Variants in LEKR1 observed in about 807,000 individuals in gnomAD.
LEKR1 encodes the protein protein LEKR1.
LEKR1 carries 59 observed loss-of-function variants against 72.4 expected under a neutral mutation model. The observed-to-expected ratio is 0.82, with a 90% CI of 0.66 to 1.01. The LOEUF is 1.01. LEKR1 is among the 50% of genes least tolerant of loss of function. The pLI is 0.00. For missense variants in LEKR1, 728 were observed against 759.2 expected (o/e 0.96, Z 0.48); for synonymous variants, 257 against 263.2 (o/e 0.98, Z 0.23).
At chr3:156,893,056 C>T (rs901927543) in intron 3 of LEKR1, among the ~76,000 whole-genome samples, 1 of 152,172 alleles carries the variant, frequency 6.6e-6, no homozygotes, top group African/African-American at 2.4e-5. Flanking sequence ...TCTTGAGGGG[C>T]TCTGGAATTC....
chr3:157,027,262 T>C (rs1195599127), intron 11 of LEKR1, among the ~76,000 whole-genome samples: 1 of 152,004 alleles, frequency 6.6e-6, no homozygotes. Flanking sequence ...GTGACTACCA[T>C]ATTGGATAGC....
chr3:156,956,402 C>T (rs1727636608), intron 6 of LEKR1, among the ~76,000 whole-genome samples: 1 of 151,982 alleles, frequency 6.6e-6, no homozygotes, highest in Admixed American at 6.6e-5. Context: ...CATATTTAAA[C>T]TATGTTTTTA....
intron 5 of LEKR1, among the ~76,000 whole-genome samples, chr3:156,937,721 G>T (rs1465804223): frequency 6.6e-6 from 1 of 152,160 alleles, no homozygotes; most frequent in African/African-American, 2.4e-5. Flanking sequence ...GTATGTAAGT[G>T]TTCATAGCGG....
At chr3:156,962,387 C>T (rs1232538457) in intron 6 of LEKR1, among the ~76,000 whole-genome samples, 1 of 152,170 alleles carries the variant, frequency 6.6e-6, no homozygotes, top group Non-Finnish European at 1.5e-5. Flanking sequence ...TAAAAGAGAC[C>T]AGCTTGATAA....
intron 6 of LEKR1, among the ~76,000 whole-genome samples, chr3:156,974,735 AT>A (rs1227405125): frequency 6.6e-6 from 1 of 152,118 alleles, no homozygotes; most frequent in Non-Finnish European, 1.5e-5. Flanking sequence ...ATACCTATAA[AT>A]TTTTCTAACA....
intron 3 of LEKR1, among the ~76,000 whole-genome samples, chr3:156,893,007 GGA>G (rs1186107228): frequency 6.6e-6 from 1 of 152,160 alleles, no homozygotes; most frequent in African/African-American, 2.4e-5. Context: ...GTGGAATACT[GGA>G]GCCTTGTAAG....
intron 5 of LEKR1, among the ~76,000 whole-genome samples, chr3:156,935,150 G>A (rs1725580752): frequency 6.6e-6 from 1 of 152,052 alleles, no homozygotes; most frequent in Non-Finnish European, 1.5e-5. Flanking sequence ...TTCAACCCTT[G>A]ACTTTTATAT....
chr3:157,000,979 T>C (rs1281735424), intron 9 of LEKR1, among the ~76,000 whole-genome samples: 3 of 152,174 alleles, frequency 2.0e-5, no homozygotes, highest in Non-Finnish European at 4.4e-5. Flanking sequence ...TCTTGGCACA[T>C]CTCCTTCCTG....
At chr3:157,026,138 A>G (rs1386365826) in intron 11 of LEKR1, among the ~76,000 whole-genome samples, 1 of 152,126 alleles carries the variant, frequency 6.6e-6, no homozygotes, top group Non-Finnish European at 1.5e-5. Context: ...CATGTGCCAC[A>G]AGCTTAGAGC....
intron 3 of LEKR1, among the ~76,000 whole-genome samples, chr3:156,871,526 C>T (rs1019145513): frequency 3.0e-4 from 46 of 152,232 alleles, no homozygotes; most frequent in African/African-American, 8.7e-4. Context: ...CCTGAGGAGT[C>T]GCCACACTGA....
chr3:156,987,378 T>C (rs1730780453), intron 7 of LEKR1, among the ~76,000 whole-genome samples: 1 of 152,180 alleles, frequency 6.6e-6, no homozygotes, highest in Admixed American at 6.5e-5. Context: ...CCCAAATTTA[T>C]TATCTACATA....
rs1560157482 is a variant in LEKR1 at position 157,028,277 on chromosome 3, A to T, written c.1543A>T (p.Ile515Phe). 6.2e-7 allele frequency: 1 copy of T among 1,613,656 alleles called. No homozygotes were observed. Among genetic ancestry groups the T allele is most frequent in the Non-Finnish European group, 8.5e-7 (1 of 1,179,756 alleles). ...ATTTGAATCTCGCTTGAAGAAGGAA[A>T]TTGACAGTAATGATTCAGTTTCAGA... ...AEFESRLKKEIDSNDSVSENL... is the reference protein window; with the variant it reads ...AEFESRLKKEFDSNDSVSENL... The change falls in exon 12 of 13, where the codon ATT (isoleucine) becomes TTT (phenylalanine). Residue 515 changes from isoleucine to phenylalanine, a missense_variant. Coordinates refer to ENST00000356539, the MANE Select transcript of LEKR1 (RefSeq NM_001004316.3).
intron 9 of LEKR1, among the ~76,000 whole-genome samples, chr3:157,008,395 T>C (rs992571288): frequency 3.3e-5 from 5 of 152,210 alleles, no homozygotes; most frequent in African/African-American, 9.6e-5. Context: ...TCAATAATTG[T>C]TTTTTTAAAA....
intron 3 of LEKR1, among the ~76,000 whole-genome samples, chr3:156,899,643 T>G: frequency 7.2e-6 from 1 of 139,270 alleles, no homozygotes; most frequent in South Asian, 2.3e-4. Context: ...CACGCATATA[T>G]ACACATATAT....
At chr3:157,012,002 CA>C (rs981837570) in intron 10 of LEKR1, among the ~76,000 whole-genome samples, 3 of 150,752 alleles carry the variant, frequency 2.0e-5, no homozygotes, top group African/African-American at 4.9e-5. Context: ...TGTTAGAGAA[CA>C]AAAAAAAATT....
At chr3:156,959,582 C>T (rs1402691922) in intron 6 of LEKR1, among the ~76,000 whole-genome samples, 1 of 152,104 alleles carries the variant, frequency 6.6e-6, no homozygotes, top group East Asian at 1.9e-4. Context: ...TCAGAGAATT[C>T]AAACTCTATA....
chr3:157,023,643 T>C (rs986768519), intron 10 of LEKR1, among the ~76,000 whole-genome samples: 27 of 152,306 alleles, frequency 1.8e-4, no homozygotes, highest in African/African-American at 6.5e-4. Flanking sequence ...GAACTCGTTA[T>C]AACCCTACCA....
In LEKR1 at chr3:157,028,132, A is replaced by T. The variant is rs765360868; in HGVS notation, c.1398A>T (p.Arg466Ser). Reference sequence around the variant, plus strand: ...CTGACTTAATCACAGGCGCTACAAGAGATCTAAGGCAGGAAGTGACCACTC... The same window carrying T: ...CTGACTTAATCACAGGCGCTACAAGTGATCTAAGGCAGGAAGTGACCACTC... The part of the protein sequence containing the change: ...KISDLITGAT[R>S]DLRQEVTTLK... Residue 466 changes from arginine to serine, a missense_variant, in exon 12 of 13, where the codon AGA becomes AGT. Arg to Ser is a moderately radical substitution (Grantham distance 110). Transcript: ENST00000356539. The T allele has an allele frequency of 6.3e-7, 1 of 1,597,310 alleles. No individual in the cohort carries two copies. Among genetic ancestry groups the T allele is most frequent in the Admixed American group, 1.7e-5 (1 of 57,578 alleles).
intron 10 of LEKR1, among the ~76,000 whole-genome samples, chr3:157,016,260 C>T (rs1228811946): frequency 6.6e-6 from 1 of 152,086 alleles, no homozygotes; most frequent in Non-Finnish European, 1.5e-5. Flanking sequence ...ACAACAAACC[C>T]AAGTTCACCA....
Sources: gnomAD v4.1 joint callset for allele counts (sites outside exome capture counted in the v4.1 genomes callset) on GRCh38, gnomAD v4.1.1 for gene constraint, MANE v1.5 for transcripts, NCBI Gene and HGNC (gene_info 2026-07-23, HGNC 2026-07-21) for gene names.